CSMD1: variants seen among roughly 807,000 people sequenced by gnomAD.
The protein encoded by CSMD1 is CUB and sushi domain-containing protein 1.
A neutral mutation model predicts 417.5 loss-of-function variants in CSMD1; 213 were observed. That is an observed-to-expected ratio of 0.51 (90% CI 0.46 to 0.57). The LOEUF is 0.57. CSMD1 is among the 20% of genes least tolerant of loss of function. The probability of loss-of-function intolerance (pLI) is 0.00; values close to 1 mark genes in which losing one functional copy is unlikely to be tolerated. For synonymous variants in CSMD1, 2,862 were observed against 1,736.8 expected (o/e 1.65, Z -16.11); for missense variants, 6,923 against 4,529.7 (o/e 1.53, Z -15.17).
chr8:4,372,258 C>A (rs1379681637), intron 3 of CSMD1, among the ~76,000 whole-genome samples: 1 of 152,130 alleles, frequency 6.6e-6, no homozygotes, highest in Non-Finnish European at 1.5e-5. Flanking sequence ...AGATACATAA[C>A]GTCGGCTCTC....
intron 1 of CSMD1, among the ~76,000 whole-genome samples, chr8:4,661,294 C>G (rs926850145): frequency 6.6e-6 from 1 of 152,130 alleles, no homozygotes; most frequent in African/African-American, 2.4e-5. Context: ...AAAACAACGA[C>G]AATAACAACA....
chr8:4,463,554 T>G (rs1799970837), intron 2 of CSMD1, among the ~76,000 whole-genome samples: 1 of 152,126 alleles, frequency 6.6e-6, no homozygotes, highest in Non-Finnish European at 1.5e-5. Flanking sequence ...ATCCATCATA[T>G]TAAATAGGAT....
intron 3 of CSMD1, among the ~76,000 whole-genome samples, chr8:4,185,324 G>C (rs1427928594): frequency 1.3e-5 from 2 of 151,990 alleles, no homozygotes; most frequent in African/African-American, 2.4e-5. Flanking sequence ...GTCTTAAAAA[G>C]GGCTCACAAT....
At chr8:3,298,989 C>T (rs952233787) in intron 25 of CSMD1, among the ~76,000 whole-genome samples, 13 of 152,104 alleles carry the variant, frequency 8.5e-5, no homozygotes, top group African/African-American at 2.9e-4. Context: ...AAACATGCAC[C>T]CTGGTACCAT....
At position 4,782,376 on chromosome 8, in the gene CSMD1, A is replaced by G. The variant is rs147745636; in HGVS notation, c.86-144818T>C. Among the ~76,000 whole-genome samples the G allele has an allele frequency of 9.9e-4, 151 of 152,346 alleles. 1 individual carries two copies. Among genetic ancestry groups the G allele is most frequent in the African/African-American group, 3.5e-3 (145 of 41,592 alleles). Reference sequence around the variant, plus strand: ...TACTGATTATACCCCATAAATATGTACAATTATTATGTAGGTCAATTAAAA... The same window carrying G: ...TACTGATTATACCCCATAAATATGTGCAATTATTATGTAGGTCAATTAAAA... On this transcript the variant is annotated intron_variant, in intron 1 of 69. Coordinates refer to ENST00000635120, the MANE Select transcript of CSMD1 (RefSeq NM_033225.6).
intron 7 of CSMD1, among the ~76,000 whole-genome samples, chr8:3,686,624 C>A (rs531723610): frequency 6.6e-6 from 1 of 152,136 alleles, no homozygotes; most frequent in Non-Finnish European, 1.5e-5. Flanking sequence ...AAAACTGAAG[C>A]CCAGGGATAT....
intron 9 of CSMD1, 125 bp downstream of exon 9, chr8:3,586,011 A>C: frequency 1.0e-6 from 1 of 973,722 alleles, no homozygotes; most frequent in Non-Finnish European, 1.4e-6. Context: ...CACTATGAAA[A>C]CATACATTAC....
chr8:3,569,532 G>T (rs1352333631), intron 10 of CSMD1, among the ~76,000 whole-genome samples: 2 of 152,194 alleles, frequency 1.3e-5, no homozygotes, highest in African/African-American at 2.4e-5. Context: ...CTTAAAGTTT[G>T]CAGACCAGGT....
chr8:2,974,437 C>A lies in CSMD1; in HGVS notation c.8740+14G>T, dbSNP rs191729544. ...AAATCTGTAATTCTGTCAGTTCACTCGTAAGCCCCTCACCTGTGCAGTGGG... is the reference window on the plus strand; with the variant it reads ...AAATCTGTAATTCTGTCAGTTCACTAGTAAGCCCCTCACCTGTGCAGTGGG... On this transcript the variant is annotated intron_variant, in intron 56 of 69. Coordinates refer to ENST00000635120, the MANE Select transcript of CSMD1 (RefSeq NM_033225.6). 2.6e-6 allele frequency: 4 copies of A among 1,536,886 alleles called. No homozygotes were observed. The highest frequency in any genetic ancestry group is 4.6e-5 in the East Asian group (2 of 43,302).
chr8:3,891,688 G>GA (rs11389470), intron 5 of CSMD1, among the ~76,000 whole-genome samples: 84,908 of 150,024 alleles, frequency 0.57, 26,299 homozygotes, highest in Admixed American at 0.7. Context: ...GTCTCAAAAC[G>GA]AAAAAAAAAG....
At chr8:4,159,576 T>A (rs1056909837) in intron 3 of CSMD1, among the ~76,000 whole-genome samples, 17 of 152,164 alleles carry the variant, frequency 1.1e-4, no homozygotes, top group Non-Finnish European at 2.9e-5. Flanking sequence ...GCAACCTGGA[T>A]GGGATTGCAG....
At chr8:3,918,547 A>G (rs1203478078) in intron 5 of CSMD1, among the ~76,000 whole-genome samples, 4 of 152,066 alleles carry the variant, frequency 2.6e-5, no homozygotes, top group East Asian at 3.9e-4. Context: ...TTTGTTTTCT[A>G]TTGAAGTATA....
intron 3 of CSMD1, among the ~76,000 whole-genome samples, chr8:4,408,321 T>C (rs1183442509): frequency 6.6e-6 from 1 of 152,150 alleles, no homozygotes; most frequent in Non-Finnish European, 1.5e-5. Flanking sequence ...TCAAGTAAGC[T>C]ACTTAAAACA....
chr8:4,224,621 C>G (rs1801235146), intron 3 of CSMD1, among the ~76,000 whole-genome samples: 1 of 152,198 alleles, frequency 6.6e-6, no homozygotes, highest in East Asian at 1.9e-4. Flanking sequence ...TGACTTCAGA[C>G]TGAATTTTCA....
chr8:4,802,854 C>T lies in CSMD1; in HGVS notation c.86-165296G>A, dbSNP rs1196926177. 2.6e-5 allele frequency among the ~76,000 whole-genome samples: 4 copies of T among 152,138 alleles called. No individual in the cohort carries two copies. The East Asian group carries it at 7.7e-4, about 29-fold the overall frequency. ...TTAGTTTTTGAAAAATATAGTATGT[C>T]CTTAGAGATGCAAATATCATGTCAT... is the stretch of plus-strand genomic sequence containing the variant. On this transcript the variant is annotated intron_variant, in intron 1 of 69. Coordinates refer to ENST00000635120, the MANE Select transcript of CSMD1 (RefSeq NM_033225.6).
intron 33 of CSMD1, among the ~76,000 whole-genome samples, chr8:3,192,223 C>A (rs1234646644): frequency 6.6e-6 from 1 of 152,154 alleles, no homozygotes; most frequent in Non-Finnish European, 1.5e-5. Flanking sequence ...CAGAATCATT[C>A]TTCTCCAAGC....
intron 2 of CSMD1, among the ~76,000 whole-genome samples, chr8:4,502,667 C>G (rs1244827788): frequency 6.6e-6 from 1 of 152,120 alleles, no homozygotes; most frequent in African/African-American, 2.4e-5. Context: ...TATAGCATTT[C>G]TTGTTGAGTT....
At chr8:3,308,620 G>T in intron 23 of CSMD1, 117 bp from the exon 24 acceptor site, 1 of 721,232 alleles carries the variant, frequency 1.4e-6, no homozygotes, top group South Asian at 2.1e-5. Flanking sequence ...GAAAAAAGGA[G>T]ATTGTGAATT....
chr8:3,769,558 T>C (rs1468146961), intron 5 of CSMD1, among the ~76,000 whole-genome samples: 1 of 152,034 alleles, frequency 6.6e-6, no homozygotes, highest in Non-Finnish European at 1.5e-5. Context: ...TAGTTTTCTA[T>C]GTGCTTTCCT....
Sources: allele counts gnomAD v4.1 joint callset (sites outside exome capture counted in the v4.1 genomes callset), GRCh38; gene constraint gnomAD v4.1.1; transcripts MANE v1.5; gene names NCBI Gene and HGNC (gene_info 2026-07-23, HGNC 2026-07-21).